Variants in PHLPP1 observed in about 807,000 individuals in gnomAD.
The protein encoded by PHLPP1 is PH domain leucine-rich repeat-containing protein phosphatase 1.
Under a neutral mutation model 117.2 loss-of-function variants are expected in PHLPP1, and 42 were observed. That is an observed-to-expected ratio of 0.36 (90% CI 0.28 to 0.46). The LOEUF is 0.46. PHLPP1 is among the 20% of genes least tolerant of loss of function. PHLPP1 has a pLI of 1.00. For missense variants in PHLPP1, 2,084 were observed against 2,241.9 expected (o/e 0.93, Z 1.42); for synonymous variants, 1,042 against 970.7 (o/e 1.07, Z -1.37).
chr18:62,833,477 C>T (rs927016469), intron 2 of PHLPP1, among the ~76,000 whole-genome samples: 1 of 152,108 alleles, frequency 6.6e-6, no homozygotes, highest in Admixed American at 6.5e-5. Context: ...ATATCAATAC[C>T]AGAGTTTCTT....
Position 62,716,698 on chromosome 18 carries a change from G to T in PHLPP1, c.1015G>T (p.Ala339Ser), listed in dbSNP as rs1443197684. 6.8e-7 allele frequency: 1 copy of T among 1,470,900 alleles called. No homozygotes were observed. The highest frequency in any genetic ancestry group is 9.0e-7 in the Non-Finnish European group (1 of 1,112,920). 91.1% of individuals were successfully genotyped at this position (1,470,900 alleles called of 1,614,324 possible). The change falls in exon 1 of 17, where the codon GCC becomes TCC. Residue 339 changes from alanine to serine, a missense_variant. Coordinates refer to ENST00000262719, the MANE Select transcript of PHLPP1 (RefSeq NM_194449.4). The surrounding 1 kb of genome is among the most constrained non-coding windows in gnomAD (Gnocchi z 5.7). ...TGGGGGCCCTGTCTCTTCGCCCCGC[G>T]CCCCACGGCCTGTGGTCTCCGACAC... ...FVGGPVSSPR[A>S]PRPVVSDTES...
chr18:62,813,808 C>A (rs1282369952), intron 1 of PHLPP1, among the ~76,000 whole-genome samples: 1 of 152,104 alleles, frequency 6.6e-6, no homozygotes, highest in Non-Finnish European at 1.5e-5. Context: ...CTTCATTCAG[C>A]CTTTCCCTTT....
intron 10 of PHLPP1, among the ~76,000 whole-genome samples, chr18:62,938,503 T>C (rs1910037180): frequency 6.6e-6 from 1 of 152,220 alleles, no homozygotes; most frequent in Non-Finnish European, 1.5e-5. Flanking sequence ...GGGTATTGAA[T>C]TTAATTTTCC....
At chr18:62,748,356 C>T (rs1011887404) in intron 1 of PHLPP1, among the ~76,000 whole-genome samples, 1 of 151,854 alleles carries the variant, frequency 6.6e-6, no homozygotes, top group Non-Finnish European at 1.5e-5. Flanking sequence ...GTGATCCTCC[C>T]ACCTCAGCCT....
At chr18:62,851,909 C>T (rs1017803047) in intron 3 of PHLPP1, among the ~76,000 whole-genome samples, 4 of 152,040 alleles carry the variant, frequency 2.6e-5, no homozygotes, top group African/African-American at 9.7e-5. Context: ...CAAGATCTCC[C>T]TCTGTCACCC....
At position 62,876,649 on chromosome 18, in the gene PHLPP1, G is replaced by A. The variant is rs1916057348; in HGVS notation, c.2066+16048G>A. Among the ~76,000 whole-genome samples the A allele has an allele frequency of 2.0e-5, 3 of 152,140 alleles. No homozygotes were observed. In the South Asian group the frequency reaches 6.2e-4, roughly 32 times the overall value. Reference sequence around the variant, plus strand: ...ACATTTAGAAATGCTTTGAGCAGCGGAACCATTTCTTGTATTTAGTATTCA... The same window carrying A: ...ACATTTAGAAATGCTTTGAGCAGCGAAACCATTTCTTGTATTTAGTATTCA... On this transcript the variant is annotated intron_variant, in intron 4 of 16. Transcript: ENST00000262719.
intron 1 of PHLPP1, among the ~76,000 whole-genome samples, chr18:62,797,867 A>G (rs1361779647): frequency 1.3e-5 from 2 of 152,200 alleles, no homozygotes; most frequent in African/African-American, 2.4e-5. Context: ...TGAGGACACT[A>G]TAAGACTGAC....
chr18:62,785,970 T>C (rs563778060), intron 1 of PHLPP1, among the ~76,000 whole-genome samples: 2 of 152,324 alleles, frequency 1.3e-5, no homozygotes, highest in South Asian at 4.1e-4. Context: ...TTCCTAAATA[T>C]ATCTCTTATC....
At chr18:62,726,582 T>C (rs1911078397) in intron 1 of PHLPP1, among the ~76,000 whole-genome samples, 1 of 145,580 alleles carries the variant, frequency 6.9e-6, no homozygotes, top group Admixed American at 6.8e-5. Context: ...TCTGTTCTGT[T>C]CTTTTTTTTT....
chr18:62,751,853 T>C (rs1911864263), intron 1 of PHLPP1, among the ~76,000 whole-genome samples: 1 of 152,096 alleles, frequency 6.6e-6, no homozygotes, highest in African/African-American at 2.4e-5. Flanking sequence ...CTCAGGAACA[T>C]AGCTATAAAG....
chr18:62,972,637 T>C lies in PHLPP1; in HGVS notation c.3684T>C (p.Ile1228=). The C allele has an allele frequency of 6.2e-7, 1 of 1,613,922 alleles. No homozygotes were observed. The change falls in exon 15 of 17, where the codon ATT becomes ATC. Residue 1228 remains isoleucine, a synonymous_variant. Transcript: ENST00000262719. The part of the protein sequence containing the change: ...PYLLQCTMSD[I]LAEELQKTKN... Reference sequence around the variant, plus strand: ...TTCTCCAGTGCACTATGAGTGACATTTTGGCTGAAGAGCTGCAAAAAACAA... The same window carrying C: ...TTCTCCAGTGCACTATGAGTGACATCTTGGCTGAAGAGCTGCAAAAAACAA...
rs541206548 is a variant in PHLPP1, at chr18:62,816,346, A to T, written c.1577-13689A>T. On this transcript the variant is annotated intron_variant, in intron 1 of 16. Coordinates refer to ENST00000262719, the MANE Select transcript of PHLPP1 (RefSeq NM_194449.4). ...TTTGGGAGGCCGAGGTGGGCGGATCATGAGGTCAGGAGTTCAAGACCAGCC... is the reference window on the plus strand; with the variant it reads ...TTTGGGAGGCCGAGGTGGGCGGATCTTGAGGTCAGGAGTTCAAGACCAGCC... Among the ~76,000 whole-genome samples, 3 of 152,266 alleles carry T rather than the reference A, an allele frequency of 2.0e-5. No individual in the cohort carries two copies. In the East Asian group the frequency reaches 5.8e-4, roughly 29 times the overall value.
chr18:62,797,545 C>T (rs563807200), intron 1 of PHLPP1, among the ~76,000 whole-genome samples: 4 of 152,128 alleles, frequency 2.6e-5, no homozygotes, highest in African/African-American at 4.8e-5. Context: ...TACAGATGGA[C>T]GGTCAGGGCA....
intron 9 of PHLPP1, among the ~76,000 whole-genome samples, chr18:62,919,535 C>T (rs112643665): frequency 4.8e-4 from 73 of 152,212 alleles, no homozygotes; most frequent in African/African-American, 1.6e-3. Flanking sequence ...ATTGAAGAAC[C>T]CTTTATTTAA....
chr18:62,950,888 G>C (rs555154315), intron 12 of PHLPP1, among the ~76,000 whole-genome samples: 1 of 152,248 alleles, frequency 6.6e-6, no homozygotes, highest in Non-Finnish European at 1.5e-5. Context: ...AAGCCACTCT[G>C]CACCCAGCCT....
intron 1 of PHLPP1, among the ~76,000 whole-genome samples, chr18:62,770,436 C>T (rs564138444): frequency 6.6e-5 from 10 of 152,270 alleles, no homozygotes; most frequent in Middle Eastern, 3.4e-3. Context: ...TGTCAACTTG[C>T]AATCCAGTAA....
At chr18:62,965,700 C>T (rs907938753) in intron 14 of PHLPP1, among the ~76,000 whole-genome samples, 45 of 151,186 alleles carry the variant, frequency 3.0e-4, no homozygotes, top group Admixed American at 1.1e-3. Flanking sequence ...CTCAGGTGAT[C>T]CACCTGCCTC....
chr18:62,978,806 AC>A lies in PHLPP1; in HGVS notation c.4533del (p.Ser1512ValfsTer125). 1 of 1,611,612 alleles carries A rather than the reference AC, an allele frequency of 6.2e-7. No individual in the cohort carries two copies. The highest frequency in any genetic ancestry group is 8.5e-7 in the Non-Finnish European group (1 of 1,179,014). On this transcript the variant is annotated frameshift_variant, in exon 17 of 17. Transcript: ENST00000262719. LOFTEE classifies it low-confidence loss of function (END_TRUNC). The surrounding 1 kb of genome is among the most constrained non-coding windows in gnomAD (Gnocchi z 7.0). Reference sequence around the variant, plus strand: ...GCCCTAAGCGAGAACAGCCCTGCCTACCCCAGTGAGCAGCGCTGCATGCTCC... The same window carrying A: ...GCCCTAAGCGAGAACAGCCCTGCCTACCCAGTGAGCAGCGCTGCATGCTCC... The part of the protein sequence containing the change: ...PGALSENSPA[Y>X]PSEQRCMLHP...
intron 4 of PHLPP1, among the ~76,000 whole-genome samples, chr18:62,880,920 C>T (rs368020152): frequency 2.6e-5 from 4 of 152,284 alleles, no homozygotes; most frequent in African/African-American, 9.6e-5. Context: ...CCTTCCACTG[C>T]GTACCTCCCT....
Sources: gnomAD v4.1 joint callset for allele counts (sites outside exome capture counted in the v4.1 genomes callset) on GRCh38, gnomAD v4.1.1 for gene constraint, Gnocchi (gnomAD v3.1) non-coding constraint, MANE v1.5 for transcripts, NCBI Gene and HGNC (gene_info 2026-07-23, HGNC 2026-07-21) for gene names.